Variants in PRKCB observed in about 807,000 individuals in gnomAD.
The protein encoded by PRKCB is protein kinase C beta, also known as protein kinase C beta type.
A neutral mutation model predicts 81.5 loss-of-function variants in PRKCB; 13 were observed. That is an observed-to-expected ratio of 0.16 (90% confidence interval 0.10 to 0.25). The LOEUF (loss-of-function observed/expected upper bound fraction) is 0.25, where lower values mean the gene tolerates loss of function less well. Ranked by LOEUF, PRKCB falls within the 10% of genes least tolerant of loss-of-function variation. PRKCB has a pLI of 1.00. For missense variants in PRKCB, 509 were observed against 875.7 expected (o/e 0.58, Z 5.29); for synonymous variants, 335 against 321.4 (o/e 1.04, Z -0.45).
At chr16:23,921,826 C>T (rs889278367) in intron 2 of PRKCB, among the ~76,000 whole-genome samples, 2 of 152,122 alleles carry the variant, frequency 1.3e-5, no homozygotes, top group Non-Finnish European at 1.5e-5. Flanking sequence ...GCTATACCCT[C>T]ATATCACAAT....
chr16:24,136,818 A>G (rs1417265945), intron 9 of PRKCB, among the ~76,000 whole-genome samples: 1 of 152,196 alleles, frequency 6.6e-6, no homozygotes, highest in Non-Finnish European at 1.5e-5. Context: ...TCTGGCACAC[A>G]GGCCAAAGTG....
intron 2 of PRKCB, among the ~76,000 whole-genome samples, chr16:23,854,657 G>A (rs763060483): frequency 6.6e-6 from 1 of 152,144 alleles, no homozygotes; most frequent in African/African-American, 2.4e-5. Context: ...CATCACTTCT[G>A]CCATATTCCC....
intron 10 of PRKCB, among the ~76,000 whole-genome samples, chr16:24,169,320 C>T (rs766747719): frequency 4.6e-5 from 7 of 152,078 alleles, no homozygotes; most frequent in South Asian, 4.1e-4. Flanking sequence ...TGGTACACAG[C>T]GGTAAACAAA....
chr16:23,847,353 T>C (rs368277235), intron 2 of PRKCB, among the ~76,000 whole-genome samples: 4 of 117,320 alleles, frequency 3.4e-5, no homozygotes, highest in African/African-American at 1.2e-4. Context: ...TCTATCTATC[T>C]ATCTATCTAT....
At chr16:23,967,949 C>T (rs542164710) in intron 2 of PRKCB, among the ~76,000 whole-genome samples, 6 of 152,298 alleles carry the variant, frequency 3.9e-5, no homozygotes, top group East Asian at 1.9e-4. Flanking sequence ...GCCACTGCGC[C>T]GGGCCTTTTA....
At chr16:24,058,204 C>T (rs540778776) in intron 5 of PRKCB, among the ~76,000 whole-genome samples, 9 of 152,188 alleles carry the variant, frequency 5.9e-5, no homozygotes, top group South Asian at 2.1e-4. Context: ...TCAGAAAGCC[C>T]GCCTCTGAGT....
chr16:24,100,649 A>G (rs441403), intron 7 of PRKCB, among the ~76,000 whole-genome samples: 67,075 of 152,056 alleles, frequency 0.44, 16,279 homozygotes, highest in Non-Finnish European at 0.54. Context: ...CTCCTTCCCA[A>G]GGTTCTCCAA....
At chr16:23,887,188 A>G (rs1351780917) in intron 2 of PRKCB, among the ~76,000 whole-genome samples, 2 of 152,184 alleles carry the variant, frequency 1.3e-5, no homozygotes, top group African/African-American at 4.8e-5. Flanking sequence ...AAAATGCCCC[A>G]TTCTTTGAAA....
intron 2 of PRKCB, among the ~76,000 whole-genome samples, chr16:23,915,687 A>G (rs1240383457): frequency 3.6e-5 from 4 of 110,796 alleles, no homozygotes; most frequent in African/African-American, 6.8e-5. Context: ...GAGACTCTCT[A>G]TCAAAAAAAA....
chr16:24,112,445 G>A (rs1966686736), intron 7 of PRKCB, among the ~76,000 whole-genome samples: 1 of 152,186 alleles, frequency 6.6e-6, no homozygotes, highest in Admixed American at 6.5e-5. Context: ...AGCTGAGGCA[G>A]GAGGATCGCT....
At chr16:23,953,121 G>T (rs1964305560) in intron 2 of PRKCB, among the ~76,000 whole-genome samples, 1 of 152,168 alleles carries the variant, frequency 6.6e-6, no homozygotes, top group African/African-American at 2.4e-5. Flanking sequence ...CGGAGACACA[G>T]AGTGTTTGAT....
chr16:23,946,735 T>C (rs1413437246), intron 2 of PRKCB, among the ~76,000 whole-genome samples: 1 of 152,186 alleles, frequency 6.6e-6, no homozygotes, highest in African/African-American at 2.4e-5. Context: ...AAGATGCAGG[T>C]TGTGATCCAG....
Position 24,216,871 on chromosome 16 carries a change from G to T in PRKCB, c.*2055G>T, listed in dbSNP as rs556139661. On this transcript the variant is annotated 3_prime_UTR_variant, in exon 17 of 17. Transcript: ENST00000643927. Reference sequence around the variant, plus strand: ...TCAGTCAGCTGGGATAAAAACCTGGGTGTCCTGTCCAGAAAGTGCAGGGTG... The same window carrying T: ...TCAGTCAGCTGGGATAAAAACCTGGTTGTCCTGTCCAGAAAGTGCAGGGTG... 2.0e-6 allele frequency: 2 copies of T among 985,448 alleles called. No homozygotes were observed. Among genetic ancestry groups the T allele is most frequent in the East Asian group, 2.3e-4 (2 of 8,800 alleles). 61.0% of individuals were successfully genotyped at this position (985,448 alleles called of 1,614,324 possible).
chr16:23,873,553 A>G (rs2141101190), intron 2 of PRKCB, among the ~76,000 whole-genome samples: 1 of 152,166 alleles, frequency 6.6e-6, no homozygotes, highest in Middle Eastern at 3.4e-3. Flanking sequence ...TGTGTTTGCA[A>G]TGGGTCAACC....
chr16:24,103,504 AT>A (rs1436504889), intron 7 of PRKCB, among the ~76,000 whole-genome samples: 2 of 152,172 alleles, frequency 1.3e-5, no homozygotes, highest in Admixed American at 6.5e-5. Flanking sequence ...CAAGAAAAAG[AT>A]TATATTAGCT....
intron 2 of PRKCB, among the ~76,000 whole-genome samples, chr16:23,847,792 A>G (rs915832306): frequency 6.6e-6 from 1 of 152,218 alleles, no homozygotes; most frequent in Non-Finnish European, 1.5e-5. Context: ...GGCTTTGAAG[A>G]GAAGTAAGAC....
chr16:23,901,535 C>T (rs1022690854), intron 2 of PRKCB, among the ~76,000 whole-genome samples: 13 of 152,170 alleles, frequency 8.5e-5, no homozygotes, highest in South Asian at 4.2e-4. Flanking sequence ...AGGAGGAAGC[C>T]GTGGGAGAAA....
rs1967132768 is a variant in PRKCB, at chr16:24,154,804, C to G, written c.1186C>G (p.Leu396Val). The G allele has an allele frequency of 6.2e-7, 1 of 1,614,058 alleles. No homozygotes were observed. Among genetic ancestry groups the G allele is most frequent in the Non-Finnish European group, 8.5e-7 (1 of 1,180,022 alleles). The stretch of plus-strand genomic sequence containing the variant: ...TATGGTGGAGAAGCGGGTGTTGGCC[C>G]TGCCTGGGAAGCCGCCCTTCCTGAC... ...CTMVEKRVLA[L>V]PGKPPFLTQL... The change falls in exon 10 of 17, where the codon CTG becomes GTG. Residue 396 changes from leucine (L) to valine (V), a missense_variant. By Grantham distance (32) the Leu-to-Val change is conservative. Around this residue, in one of 6 missense-constraint regions of PRKCB, gnomAD observed 106 missense variants for 214.0 expected, o/e 0.50. Transcript: ENST00000643927.
chr16:23,879,732 GA>G (rs1289185199), intron 2 of PRKCB, among the ~76,000 whole-genome samples: 3 of 152,064 alleles, frequency 2.0e-5, no homozygotes, highest in Non-Finnish European at 2.9e-5. Context: ...GACCTCAAGT[GA>G]TCCGCCCGCC....
Sources: gnomAD v4.1 joint callset for allele counts (sites outside exome capture counted in the v4.1 genomes callset) on GRCh38, gnomAD v4.1.1 for gene constraint, gnomAD v4.1.1 regional missense constraint, MANE v1.5 for transcripts, NCBI Gene and HGNC (gene_info 2026-07-23, HGNC 2026-07-21) for gene names.